KLHDC4: variants seen among roughly 807,000 people sequenced by gnomAD.
The protein encoded by KLHDC4 is kelch domain containing 4.
A neutral mutation model predicts 62.4 loss-of-function variants in KLHDC4; 90 were observed. That is an observed-to-expected ratio of 1.44 (90% CI 1.22 to 1.72). The LOEUF (loss-of-function observed/expected upper bound fraction) is 1.72, where lower values mean the gene tolerates loss of function less well. KLHDC4 is among the 40% of genes most tolerant of loss of function. The pLI, the probability that KLHDC4 is intolerant of heterozygous loss-of-function variation, is 0.00. For synonymous variants in KLHDC4, 386 were observed against 284.4 expected, an observed-to-expected ratio of 1.36 and a Z score of -3.59; for missense variants, 1,025 against 699.7, an observed-to-expected ratio of 1.47 and a Z score of -5.25.
intron 1 of KLHDC4, 101 bp downstream of exon 1, chr16:87,765,691 G>C: frequency 8.7e-7 from 1 of 1,152,524 alleles, no homozygotes; most frequent in Non-Finnish European, 1.2e-6. Flanking sequence ...CAGGGCCGGC[G>C]CGGCTCCCAC....
At chr16:87,728,989 C>G (rs2039866242) in intron 6 of KLHDC4, among the ~76,000 whole-genome samples, 1 of 152,092 alleles carries the variant, frequency 6.6e-6, no homozygotes, top group African/African-American at 2.4e-5. Flanking sequence ...GTTGGCCAGG[C>G]TGGTCTCAAA....
At chr16:87,739,457 A>C (rs796310180) in intron 5 of KLHDC4, among the ~76,000 whole-genome samples, 74 of 71,528 alleles carry the variant, frequency 1.0e-3, no homozygotes, top group South Asian at 4.4e-3. Flanking sequence ...CATCCACACA[A>C]CAGCATCTCA....
exon 1 of KLHDC4, chr16:87,701,881 G>A (rs2034160245): frequency 6.6e-6 from 3 of 456,454 alleles, no homozygotes; most frequent in African/African-American, 2.0e-5. Context: ...TTCGAGCCCA[G>A]GGAGTGGAGG....
At chr16:87,746,313 G>C (rs924236522) in intron 5 of KLHDC4, among the ~76,000 whole-genome samples, 2 of 151,672 alleles carry the variant, frequency 1.3e-5, no homozygotes, top group African/African-American at 4.8e-5. Flanking sequence ...AAGAGAGAGA[G>C]AGAAAAGAGA....
chr16:87,747,294 G>C (rs574021675), intron 5 of KLHDC4, among the ~76,000 whole-genome samples: 15 of 152,318 alleles, frequency 9.8e-5, no homozygotes, highest in African/African-American at 3.6e-4. Flanking sequence ...GTGAACAAGA[G>C]ATACCAAAGC....
downstream of KLHDC4, among the ~76,000 whole-genome samples, chr16:87,704,753 C>G (rs868537150): frequency 1.8e-4 from 28 of 152,242 alleles, no homozygotes; most frequent in Middle Eastern, 0.014. Context: ...CAACACTGCT[C>G]TCATCTAAAC....
chr16:87,721,418 A>G (rs1371076486), intron 7 of KLHDC4, among the ~76,000 whole-genome samples: 5 of 149,614 alleles, frequency 3.3e-5, no homozygotes, highest in Admixed American at 3.3e-4. Context: ...TGTCTCTAAA[A>G]AAAAAAAAAA....
At chr16:87,703,043 A>T (rs1035457141), downstream of KLHDC4, 11 of 152,246 alleles carry the variant, frequency 7.2e-5, no homozygotes, top group African/African-American at 2.7e-4. Context: ...GTAATAAACA[A>T]TGTCGTGTGA....
chr16:87,704,404 CGCCTGGGG>C (rs1461280234), downstream of KLHDC4, among the ~76,000 whole-genome samples: 2 of 84,734 alleles, frequency 2.4e-5, no homozygotes, highest in African/African-American at 1.2e-4. Context: ...GGGAAGGAGG[CGCCTGGGG>C]AGGGTCCTGA....
rs61735152 is a variant in KLHDC4 at position 87,709,508 on chromosome 16, G to A, written c.1204C>T (p.Leu402Phe). The change falls in exon 10 of 12, where the codon CTC becomes TTC. Residue 402 changes from leucine to phenylalanine, a missense_variant. By Grantham distance (22) the Leu-to-Phe change is conservative. Transcript: ENST00000270583. The part of the protein sequence containing the change: ...DGTVVTIKQV[L>F]TAPGSAGQPR... ...TGCCCCGCCGAGCCTGGCGCGGTGAGCACCTGCTTAATGGTGACCACGGTG... is the reference window on the plus strand; with the variant it reads ...TGCCCCGCCGAGCCTGGCGCGGTGAACACCTGCTTAATGGTGACCACGGTG... 3.7e-4 allele frequency: 589 copies of A among 1,612,158 alleles called. 2 individuals are homozygous for A. In the African/African-American group the frequency reaches 5.5e-3, roughly 15 times the overall value.
chr16:87,749,799 C>T (rs2043633021), intron 4 of KLHDC4, among the ~76,000 whole-genome samples: 1 of 152,142 alleles, frequency 6.6e-6, no homozygotes, highest in African/African-American at 2.4e-5. Flanking sequence ...TGGTCTCAAA[C>T]TCCTGGCTTT....
chr16:87,705,245 G>A (rs563515818), downstream of KLHDC4, among the ~76,000 whole-genome samples: 64 of 152,344 alleles, frequency 4.2e-4, no homozygotes, highest in African/African-American at 1.3e-3. Flanking sequence ...CACGCCCTAC[G>A]GTGGCTATCT....
Position 87,709,350 on chromosome 16 carries a change from G to A in KLHDC4, c.1362C>T (p.Gly454=), listed in dbSNP as rs370455480. The change falls in exon 10 of 12, where the codon GGC becomes GGT. Residue 454 remains glycine (G), a synonymous_variant. Coordinates refer to ENST00000270583, the MANE Select transcript of KLHDC4 (RefSeq NM_017566.4). ...GGTCGCTGAGGGTGACCTGGCGGTC[G>A]CCGGCCTCAAACATGCCCCCATAGA... The part of the protein sequence containing the change: ...LYVYGGMFEA[G]DRQVTLSDLH... The A allele has an allele frequency of 6.8e-5, 109 of 1,613,370 alleles. 2 individuals are homozygous for A. The East Asian group carries it at 1.2e-3, about 17-fold the overall frequency.
chr16:87,749,334 T>C (rs1209304908), intron 4 of KLHDC4, among the ~76,000 whole-genome samples: 4 of 151,918 alleles, frequency 2.6e-5, no homozygotes, highest in Admixed American at 6.6e-5. Context: ...GGTGGACAGA[T>C]CACGAGATCA....
chr16:87,708,730 C>T (rs754489099), intron 10 of KLHDC4, among the ~76,000 whole-genome samples: 6 of 152,236 alleles, frequency 3.9e-5, no homozygotes, highest in Non-Finnish European at 8.8e-5. Context: ...CCTCCTGCCA[C>T]CCTCCACCCC....
chr16:87,737,486 G>C (rs1046787212), intron 5 of KLHDC4, among the ~76,000 whole-genome samples: 2 of 152,084 alleles, frequency 1.3e-5, no homozygotes, highest in Non-Finnish European at 2.9e-5. Context: ...TACTTGGAAA[G>C]CTGAGGCAAG....
rs538822126 is a variant in KLHDC4 at position 87,708,340 on chromosome 16, G to C, written c.*1+10C>G. ...GCAGCCGCGCCACCCGCCAGCCCGA[G>C]CCCGCTCACCTCAGTCCTCCGCACC... On this transcript the variant is annotated intron_variant, in intron 11 of 11. Coordinates refer to ENST00000270583, the MANE Select transcript of KLHDC4 (RefSeq NM_017566.4). 5 of 1,559,612 alleles carry C rather than the reference G, an allele frequency of 3.2e-6. No homozygotes were observed. In the East Asian group the frequency reaches 6.8e-5, roughly 21 times the overall value.
chr16:87,703,842 C>T (rs1597328868), downstream of KLHDC4, among the ~76,000 whole-genome samples: 1 of 152,188 alleles, frequency 6.6e-6, no homozygotes, highest in Non-Finnish European at 1.5e-5. Context: ...GTGGCCAGGC[C>T]CCAGATGGCA....
At chr16:87,726,019 A>T (rs1224016041) in intron 7 of KLHDC4, among the ~76,000 whole-genome samples, 1 of 152,130 alleles carries the variant, frequency 6.6e-6, no homozygotes, top group Non-Finnish European at 1.5e-5. Flanking sequence ...CAGGGCCCTA[A>T]CACGGCACCA....
Sources: gnomAD v4.1 joint callset for allele counts (sites outside exome capture counted in the v4.1 genomes callset) on GRCh38, gnomAD v4.1.1 for gene constraint, MANE v1.5 for transcripts, NCBI Gene and HGNC (gene_info 2026-07-23, HGNC 2026-07-21) for gene names.